Variants in HYDIN observed in about 807,000 individuals in gnomAD.
HYDIN encodes the protein HYDIN axonemal central pair apparatus protein, also known as axonemal central pair apparatus protein HYDIN.
In HYDIN, 132 loss-of-function variants were observed where a neutral mutation model predicts 403.9. The observed-to-expected ratio is 0.33, with a 90% CI of 0.28 to 0.38. The LOEUF (loss-of-function observed/expected upper bound fraction) is 0.38, where lower values mean the gene tolerates loss of function less well. Among genes scored for constraint, HYDIN ranks in the 10% least tolerant of loss-of-function variants. The pLI, the probability that HYDIN is intolerant of heterozygous loss-of-function variation, is 1.00. For synonymous variants in HYDIN, 1,202 were observed against 1,891.7 expected (o/e 0.64, Z 9.46); for missense variants, 2,827 against 5,009.5 (o/e 0.56, Z 13.15).
Position 70,920,804 on chromosome 16 carries a change from C to G in HYDIN, c.7572G>C (p.Glu2524Asp). The change falls in exon 46 of 86, where the codon GAG becomes GAC. Residue 2524 changes from glutamate (E) to aspartate (D), a missense_variant. Transcript: ENST00000393567. ...GCTCCGCCTTCTCCCTCTCCAGGCG[C>G]TCCTTCTCCGTGCGCTCCTTCTCCA... ...ERLEKERTEKERLEREKAERE... is the reference protein window; with the variant it reads ...ERLEKERTEKDRLEREKAERE... The G allele has an allele frequency of 6.4e-7, 1 of 1,563,006 alleles. No individual in the cohort carries two copies. The highest frequency in any genetic ancestry group is 1.2e-5 in the South Asian group (1 of 85,994).
Position 70,879,415 on chromosome 16 carries a change from A to T in HYDIN, c.10439T>A (p.Val3480Glu). The T allele has an allele frequency of 6.2e-7, 1 of 1,606,274 alleles. No homozygotes were observed. Among genetic ancestry groups the T allele is most frequent in the Non-Finnish European group, 8.5e-7 (1 of 1,174,008 alleles). ...GEGNLPRVTV[V>E]RPVLHNQYGN... ...ATATTGGTTATGAAGAACTGGCCGCACAACCGTCACTCGAGGGAGGTTCCC... is the reference window on the plus strand; with the variant it reads ...ATATTGGTTATGAAGAACTGGCCGCTCAACCGTCACTCGAGGGAGGTTCCC... The change falls in exon 62 of 86, where the codon GTG becomes GAG. Residue 3480 changes from valine to glutamate, a missense_variant. By Grantham distance (121) the Val-to-Glu change is moderately radical. Transcript: ENST00000393567.
chr16:71,045,313 A>T (rs7405245), intron 18 of HYDIN, among the ~76,000 whole-genome samples: 2 of 152,134 alleles, frequency 1.3e-5, no homozygotes. Context: ...CCTTGTTCTT[A>T]GAGGGAAATA....
chr16:70,902,821 A>ATATATAT, intron 52 of HYDIN, among the ~76,000 whole-genome samples: 1 of 47,318 alleles, frequency 2.1e-5, no homozygotes, highest in African/African-American at 1.2e-4. Context: ...ATATATATAT[A>ATATATAT]TTTTTTTTTT....
intron 45 of HYDIN, among the ~76,000 whole-genome samples, chr16:70,925,293 T>C (rs1241831499): frequency 1.3e-5 from 2 of 152,250 alleles, no homozygotes; most frequent in African/African-American, 2.4e-5. Context: ...TAGACCAGCC[T>C]GGGCAAGCAA....
rs550294614 is a variant in HYDIN, at chr16:70,865,200, C to G, written c.11471+969G>C. 3.4e-5 allele frequency: 13 copies of G among 379,196 alleles called. No individual in the cohort carries two copies. In the East Asian group the frequency reaches 6.8e-4, roughly 20 times the overall value. 23.5% of individuals were successfully genotyped at this position (379,196 alleles called of 1,614,324 possible). A position where few individuals can be genotyped will look rare whatever the true frequency, so the allele number is the denominator to read the frequency against. ...ATTCTCGCTTCTTCACTTGGCTACC[C>G]CCATTCTCACTTCTTTCACTCTCAC... On this transcript the variant is annotated intron_variant, in intron 67 of 85. Transcript: ENST00000393567.
At chr16:71,079,846 T>G (rs760978279) in intron 13 of HYDIN, 39 bp downstream of exon 13, 1 of 1,002,040 alleles carries the variant, frequency 1.0e-6, no homozygotes, top group African/African-American at 1.6e-5. Flanking sequence ...AGAAAAGGAA[T>G]CCTATTCAAT....
At chr16:71,064,500 G>C (rs1015159365) in intron 16 of HYDIN, among the ~76,000 whole-genome samples, 6 of 152,136 alleles carry the variant, frequency 3.9e-5, no homozygotes, top group Non-Finnish European at 5.9e-5. Context: ...AATTAACAAC[G>C]ATTTACACCT....
Position 70,896,142 on chromosome 16 carries a change from C to T in HYDIN, c.9049-62G>A, listed in dbSNP as rs1173255265. The T allele has an allele frequency of 2.5e-6, 4 of 1,599,436 alleles. No homozygotes were observed. The African/African-American group carries it at 5.4e-5, about 22-fold the overall frequency. On this transcript the variant is annotated intron_variant, in intron 53 of 85. Transcript: ENST00000393567. ...ACCTATAGGTGCTTGGAGCCTGAAA[C>T]ATGTAATATCCTAACGGGGATACGG...
intron 45 of HYDIN, among the ~76,000 whole-genome samples, chr16:70,932,207 T>C (rs2143850067): frequency 6.8e-6 from 1 of 146,242 alleles, no homozygotes; most frequent in Middle Eastern, 3.5e-3. Context: ...ATATAAAAAT[T>C]AGCCGAGTGT....
At chr16:71,217,993 G>A (rs896748324) in intron 1 of HYDIN, among the ~76,000 whole-genome samples, 6 of 152,072 alleles carry the variant, frequency 3.9e-5, no homozygotes, top group African/African-American at 4.8e-5. Context: ...TGAGACTTTG[G>A]TTTCCCTAGA....
intron 7 of HYDIN, among the ~76,000 whole-genome samples, chr16:71,138,030 A>G (rs2085003799): frequency 6.6e-6 from 1 of 150,974 alleles, no homozygotes; most frequent in Non-Finnish European, 1.5e-5. Flanking sequence ...AATATTAGGA[A>G]TATCTTTATT....
Position 70,881,687 on chromosome 16 carries a change from C to CT in HYDIN, c.10215+972dup, listed in dbSNP as rs1209049268. ...GAAGTCATAAAACGGATTATGTAGT[C>CT]TCCCCAACCATACCTCTCTGCATTG... On this transcript the variant is annotated intron_variant, in intron 60 of 85. Transcript: ENST00000393567. Among the ~76,000 whole-genome samples, 24 of 152,208 alleles carry CT rather than the reference C, an allele frequency of 1.6e-4. 1 individual carries two copies. The South Asian group carries it at 5.0e-3, about 32-fold the overall frequency.
intron 18 of HYDIN, among the ~76,000 whole-genome samples, chr16:71,051,538 A>C (rs1377031590): frequency 3.3e-5 from 5 of 151,160 alleles, no homozygotes; most frequent in African/African-American, 4.8e-5. Context: ...CCCAGCTACT[A>C]GGGAGGCTGA....
intron 83 of HYDIN, among the ~76,000 whole-genome samples, chr16:70,821,905 T>C (rs187385156): frequency 1.1e-3 from 168 of 152,282 alleles, no homozygotes; most frequent in Non-Finnish European, 1.9e-3. Flanking sequence ...TGAGACCTAC[T>C]GCTCAGAAAA....
At chr16:71,021,196 T>C (rs547502190) in intron 21 of HYDIN, among the ~76,000 whole-genome samples, 2 of 151,984 alleles carry the variant, frequency 1.3e-5, no homozygotes, top group Admixed American at 1.3e-4. Context: ...TTTTACTCTG[T>C]TAGATACATT....
At chr16:71,069,653 T>C (rs1478132598) in intron 13 of HYDIN, 151 bp from the exon 14 acceptor site, 72 of 649,344 alleles carry the variant, frequency 1.1e-4, no homozygotes, top group Non-Finnish European at 1.6e-4. Flanking sequence ...ATTATTTTTA[T>C]TGTTTCATTC....
chr16:71,017,608 G>A (rs1456475272), intron 23 of HYDIN, among the ~76,000 whole-genome samples: 1 of 151,380 alleles, frequency 6.6e-6, no homozygotes, highest in Non-Finnish European at 1.5e-5. Flanking sequence ...AGTTAAAATA[G>A]TTAAATTAAT....
chr16:71,197,235 C>G (rs1162443854), intron 1 of HYDIN, among the ~76,000 whole-genome samples: 1 of 152,108 alleles, frequency 6.6e-6, no homozygotes, highest in East Asian at 1.9e-4. Flanking sequence ...CTAGAAAACC[C>G]TGACTTAAAA....
chr16:70,851,371 T>C (rs966643422), intron 73 of HYDIN, among the ~76,000 whole-genome samples: 4 of 151,526 alleles, frequency 2.6e-5, no homozygotes, highest in African/African-American at 4.9e-5. Flanking sequence ...ACTTAAACAA[T>C]TGAACAAGCA....
Sources: gnomAD v4.1 joint callset for allele counts (sites outside exome capture counted in the v4.1 genomes callset) on GRCh38, gnomAD v4.1.1 for gene constraint, MANE v1.5 for transcripts, NCBI Gene and HGNC (gene_info 2026-07-23, HGNC 2026-07-21) for gene names.